Variants in TENM2 observed in about 807,000 individuals in gnomAD.
The protein encoded by TENM2 is teneurin-2.
Under a neutral mutation model 245.2 loss-of-function variants are expected in TENM2, and 52 were observed. The observed-to-expected ratio is 0.21, with a 90% CI of 0.17 to 0.27. TENM2 has a LOEUF of 0.27. Among genes scored for constraint, TENM2 ranks in the 10% least tolerant of loss-of-function variants. The pLI is 1.00. For missense variants in TENM2, 3,046 were observed against 3,666.8 expected, an observed-to-expected ratio of 0.83 and a Z score of 4.37; for synonymous variants, 1,363 against 1,438.9, an observed-to-expected ratio of 0.95 and a Z score of 1.19.
intron 2 of TENM2, among the ~76,000 whole-genome samples, chr5:167,669,218 T>C (rs1755770623): frequency 6.6e-6 from 1 of 152,182 alleles, no homozygotes; most frequent in Non-Finnish European, 1.5e-5. Flanking sequence ...TTGTGGTTTG[T>C]GTTTGTGTTC....
At chr5:167,144,029 G>A in the TENM2 span, among the ~76,000 whole-genome samples, 1 of 152,084 alleles carries the variant, frequency 6.6e-6, no homozygotes, top group Non-Finnish European at 1.5e-5. Flanking sequence ...CAAGGCAGCT[G>A]TGCTGTATTC....
intron 2 of TENM2, among the ~76,000 whole-genome samples, chr5:167,837,804 GT>G (rs55864098): frequency 0.16 from 23,471 of 147,812 alleles, 3,181 homozygotes; most frequent in East Asian, 0.67. Context: ...AAAGGGCTTG[GT>G]TTTTTTTTTT....
chr5:167,675,259 A>G (rs1756240537), intron 2 of TENM2, among the ~76,000 whole-genome samples: 1 of 152,150 alleles, frequency 6.6e-6, no homozygotes. Context: ...TGATACACAA[A>G]GACTTTTGAT....
At chr5:168,019,447 G>A (rs1785950157) in intron 5 of TENM2, among the ~76,000 whole-genome samples, 1 of 152,150 alleles carries the variant, frequency 6.6e-6, no homozygotes, top group Admixed American at 6.5e-5. Flanking sequence ...TGGCAGGGCA[G>A]GCAGAGAGGA....
intron 1 of TENM2, among the ~76,000 whole-genome samples, chr5:167,288,558 C>CA (rs58929279): frequency 0.04 from 3,699 of 93,350 alleles, 107 homozygotes; most frequent in East Asian, 0.081. Context: ...GACTCCGTCT[C>CA]AAAAAAAAAA....
At chr5:167,310,214 T>C (rs375669765) in intron 1 of TENM2, among the ~76,000 whole-genome samples, 2 of 152,374 alleles carry the variant, frequency 1.3e-5, no homozygotes, top group East Asian at 3.9e-4. Context: ...TTATAGCAGC[T>C]TTCCTTATGC....
At position 168,036,138 on chromosome 5, in the gene TENM2, T is replaced by A. The variant is rs1252341081; in HGVS notation, c.1187-11289T>A. Among the ~76,000 whole-genome samples, 4 of 152,080 alleles carry A rather than the reference T, an allele frequency of 2.6e-5. No individual in the cohort carries two copies. In the East Asian group the frequency reaches 7.7e-4, roughly 29 times the overall value. On this transcript the variant is annotated intron_variant, in intron 5 of 28. Coordinates refer to ENST00000518659, the Ensembl canonical transcript of TENM2. Reference sequence around the variant, plus strand: ...GCCTGGCTTGGGGATTTCCATGGAGTTAGGATCCGGCATGGGATCATAAGC... The same window carrying A: ...GCCTGGCTTGGGGATTTCCATGGAGATAGGATCCGGCATGGGATCATAAGC...
At chr5:167,101,401 G>T in the TENM2 span, among the ~76,000 whole-genome samples, 910 of 152,264 alleles carry the variant, frequency 6.0e-3, 11 homozygotes, top group African/African-American at 0.02. Context: ...AAGTCTTGAA[G>T]AAATTATGGA....
At chr5:167,170,764 C>A in the TENM2 span, among the ~76,000 whole-genome samples, 3 of 152,178 alleles carry the variant, frequency 2.0e-5, no homozygotes, top group African/African-American at 7.2e-5. Context: ...AAGCAGCGTT[C>A]GTCAAAGTCC....
At chr5:167,608,311 AG>A (rs1720595030) in intron 2 of TENM2, among the ~76,000 whole-genome samples, 1 of 152,182 alleles carries the variant, frequency 6.6e-6, no homozygotes, top group South Asian at 2.1e-4. Context: ...CTCTTGTAGC[AG>A]GCATCTCTCC....
chr5:167,117,773 T>C, the TENM2 span, among the ~76,000 whole-genome samples: 2 of 152,088 alleles, frequency 1.3e-5, no homozygotes, highest in African/African-American at 4.8e-5. Context: ...TTATAGGATG[T>C]TTGGCAGCAT....
the TENM2 span, among the ~76,000 whole-genome samples, chr5:167,033,569 A>G: frequency 6.6e-6 from 1 of 152,148 alleles, no homozygotes; most frequent in Non-Finnish European, 1.5e-5. Flanking sequence ...TTTTTGTTGA[A>G]CATGCATTTT....
chr5:167,167,495 AT>A, the TENM2 span, among the ~76,000 whole-genome samples: 1 of 152,054 alleles, frequency 6.6e-6, no homozygotes, highest in Admixed American at 6.6e-5. Flanking sequence ...GCGTTTCCAC[AT>A]TCTTCACCCA....
chr5:167,444,285 GCACACATACACATACA>G (rs747077397), intron 2 of TENM2, among the ~76,000 whole-genome samples: 423 of 82,348 alleles, frequency 5.1e-3, no homozygotes, highest in South Asian at 0.02. Flanking sequence ...ATGCACACAT[GCACACATACACATACA>G]CACACACACA....
intron 10 of TENM2, among the ~76,000 whole-genome samples, chr5:168,123,975 A>T (rs1283759176): frequency 6.6e-6 from 1 of 152,236 alleles, no homozygotes; most frequent in Non-Finnish European, 1.5e-5. Context: ...GTCCTCAAGA[A>T]CTGGCCTTTG....
intron 3 of TENM2, among the ~76,000 whole-genome samples, chr5:167,901,573 T>A (rs1381287715): frequency 2.6e-5 from 4 of 152,292 alleles, no homozygotes; most frequent in African/African-American, 7.2e-5. Flanking sequence ...GGAGCAATAC[T>A]CATAACATCT....
chr5:167,714,549 T>A (rs1759127907), intron 2 of TENM2, among the ~76,000 whole-genome samples: 1 of 152,168 alleles, frequency 6.6e-6, no homozygotes, highest in South Asian at 2.1e-4. Context: ...TTCCCAAGCC[T>A]CTGAGCTCAG....
rs67957514 is a variant in TENM2, at chr5:167,321,801, T to TTTTTTTGTG, written c.226+36738_226+36739insTTTTTTGTG. Among the ~76,000 whole-genome samples, 6 of 7,278 alleles carry TTTTTTTGTG rather than the reference T, an allele frequency of 8.2e-4. 1 individual carries two copies. Among genetic ancestry groups the TTTTTTTGTG allele is most frequent in the Admixed American group, 1.7e-3 (1 of 594 alleles). 4.8% of individuals were successfully genotyped at this position (7,278 alleles called of 152,430 possible). On this transcript the variant is annotated intron_variant, in intron 1 of 28. Transcript: ENST00000518659. The stretch of plus-strand genomic sequence containing the variant: ...CCTTGGCTTATTTTTTTTTTTTTTT[T>TTTTTTTGTG]GGGGGGGGGGGCGGGGGGGGGGGTG...
rs573497852 is a variant in TENM2, at chr5:167,857,592, T to C, written c.503-18394T>C. ...CCATACCATCTCATACTGCATATAC[T>C]ATTTGTTCATGGAACCCTTGTTTCC... On this transcript the variant is annotated intron_variant, in intron 2 of 28. Transcript: ENST00000518659. 9.8e-4 allele frequency among the ~76,000 whole-genome samples: 149 copies of C among 152,280 alleles called. 1 individual carries two copies. Among genetic ancestry groups the C allele is most frequent in the Non-Finnish European group, 1.9e-3 (126 of 68,022 alleles).
Sources: allele counts gnomAD v4.1 joint callset (sites outside exome capture counted in the v4.1 genomes callset), GRCh38; gene constraint gnomAD v4.1.1; transcripts MANE v1.5; gene names NCBI Gene and HGNC (gene_info 2026-07-23, HGNC 2026-07-21).